CYP7B1: variants seen among roughly 807,000 people sequenced by gnomAD.
CYP7B1 encodes cytochrome P450 family 7 subfamily B member 1, also known as cytochrome P450 7B1.
Under a neutral mutation model 42.7 loss-of-function variants are expected in CYP7B1, and 29 were observed. The observed-to-expected ratio is 0.68, with a 90% CI of 0.51 to 0.93. The LOEUF (loss-of-function observed/expected upper bound fraction) is 0.93. Ranked by LOEUF, CYP7B1 falls within the 40% of genes least tolerant of loss-of-function variation. The pLI is 0.00. For synonymous variants in CYP7B1, 235 were observed against 218.2 expected, an observed-to-expected ratio of 1.08 and a Z score of -0.68; for missense variants, 655 against 600.5, an observed-to-expected ratio of 1.09 and a Z score of -0.95.
chr8:64,769,484 A>G (rs775727310), intron 1 of CYP7B1, among the ~76,000 whole-genome samples: 1 of 152,222 alleles, frequency 6.6e-6, no homozygotes, highest in Non-Finnish European at 1.5e-5. Flanking sequence ...TCCTCTGTGT[A>G]TCCTCCCAGG....
rs78801844 is a variant in CYP7B1 at position 64,640,188 on chromosome 8, A to T, written c.123-15649T>A. Among the ~76,000 whole-genome samples the T allele has an allele frequency of 1.6e-4, 25 of 152,230 alleles. No homozygotes were observed. In the East Asian group the frequency reaches 4.8e-3, roughly 29 times the overall value. ...AAGCTTAAGGAAATTTTGGGTGCTGATGGAAGTGTTCTAAACCGGATTGTG... is the reference window on the plus strand; with the variant it reads ...AAGCTTAAGGAAATTTTGGGTGCTGTTGGAAGTGTTCTAAACCGGATTGTG... On this transcript the variant is annotated intron_variant, in intron 1 of 5. Transcript: ENST00000310193.
At chr8:64,688,770 T>A (rs1273720268) in intron 1 of CYP7B1, among the ~76,000 whole-genome samples, 1 of 151,224 alleles carries the variant, frequency 6.6e-6, no homozygotes, top group African/African-American at 2.4e-5. Flanking sequence ...AAAAAAAAAA[T>A]ACAAAAATTG....
chr8:64,786,189 C>T (rs993976143), intron 1 of CYP7B1, among the ~76,000 whole-genome samples: 4 of 152,138 alleles, frequency 2.6e-5, no homozygotes, highest in Admixed American at 6.5e-5. Flanking sequence ...TCATCTTTCT[C>T]ACATTCCAAA....
At position 64,798,482 on chromosome 8, in the gene CYP7B1, G is replaced by A. The variant is rs1804745798; in HGVS notation, c.106C>T (p.Leu36Phe). Residue 36 changes from leucine (L) to phenylalanine (F), a missense_variant, in exon 1 of 6, where the codon CTT becomes TTT. Transcript: ENST00000310193. ...GGCGCTTACCTGGTGCGCCGGACAA[G>A]CAAGCAGAGGGCCAGGAGCAGCAGG... The part of the protein sequence containing the change: ...AALLLLALCL[L>F]VRRTRRPGEP... The A allele has an allele frequency of 4.6e-6, 7 of 1,513,386 alleles. No homozygotes were observed. The highest frequency in any genetic ancestry group is 5.3e-6 in the Non-Finnish European group (6 of 1,139,298). The allele number at this position is 1,513,386 out of a possible 1,614,324, so 93.7% of individuals were successfully genotyped here. A position where few individuals can be genotyped will look rare whatever the true frequency, so the allele number is the denominator to read the frequency against.
At chr8:64,782,365 G>T (rs1166347251) in intron 1 of CYP7B1, among the ~76,000 whole-genome samples, 1 of 152,110 alleles carries the variant, frequency 6.6e-6, no homozygotes, top group Admixed American at 6.5e-5. Context: ...CCTTATAAAA[G>T]AAGCCCAACA....
In CYP7B1 at chr8:64,592,311, G is replaced by A. The variant is rs1805049016; in HGVS notation, c.*4331C>T. Among the ~76,000 whole-genome samples the A allele has an allele frequency of 6.6e-6, 1 of 151,920 alleles. No individual in the cohort carries two copies. Among genetic ancestry groups the A allele is most frequent in the South Asian group, 2.1e-4 (1 of 4,824 alleles). On this transcript the variant is annotated 3_prime_UTR_variant, in exon 6 of 6. Coordinates refer to ENST00000310193, the MANE Select transcript of CYP7B1 (RefSeq NM_004820.5). ...TACCTGTTGTATATATTTTTATTGTGTATAATTATACATAGTGATTTCTCA... is the reference window on the plus strand; with the variant it reads ...TACCTGTTGTATATATTTTTATTGTATATAATTATACATAGTGATTTCTCA...
At chr8:64,677,268 C>T (rs1039387288) in intron 1 of CYP7B1, among the ~76,000 whole-genome samples, 1 of 151,594 alleles carries the variant, frequency 6.6e-6, no homozygotes, top group African/African-American at 2.4e-5. Flanking sequence ...ACCAGACAAT[C>T]AAAAATCCTA....
At chr8:64,731,221 G>A (rs767231959) in intron 1 of CYP7B1, among the ~76,000 whole-genome samples, 6 of 152,190 alleles carry the variant, frequency 3.9e-5, no homozygotes, top group Non-Finnish European at 8.8e-5. Flanking sequence ...AGCAACTTTG[G>A]AACTGGGTAA....
chr8:64,702,823 C>T (rs1404895400), intron 1 of CYP7B1, among the ~76,000 whole-genome samples: 1 of 152,108 alleles, frequency 6.6e-6, no homozygotes, highest in East Asian at 1.9e-4. Flanking sequence ...AATGTATTAT[C>T]ATCATTCTCA....
chr8:64,686,077 C>T (rs1806634133), intron 1 of CYP7B1, among the ~76,000 whole-genome samples: 2 of 127,066 alleles, frequency 1.6e-5, no homozygotes, highest in Admixed American at 7.5e-5. Flanking sequence ...CCCACCCGGC[C>T]AGCCGCCCCG....
At chr8:64,652,650 C>T (rs974256708) in intron 1 of CYP7B1, among the ~76,000 whole-genome samples, 1 of 152,140 alleles carries the variant, frequency 6.6e-6, no homozygotes, top group Non-Finnish European at 1.5e-5. Context: ...AGAGACCATC[C>T]TGGCTAACAT....
intron 1 of CYP7B1, among the ~76,000 whole-genome samples, chr8:64,730,569 T>C (rs1434260723): frequency 6.6e-6 from 1 of 152,170 alleles, no homozygotes; most frequent in East Asian, 1.9e-4. Flanking sequence ...GAGTACCTGT[T>C]ATCTACCTAA....
chr8:64,790,925 T>A (rs1804606439), intron 1 of CYP7B1, among the ~76,000 whole-genome samples: 1 of 152,140 alleles, frequency 6.6e-6, no homozygotes, highest in African/African-American at 2.4e-5. Flanking sequence ...ACAATATAAC[T>A]AGTATCCATA....
rs1049674816 is a variant in CYP7B1 at position 64,784,896 on chromosome 8, A to C, written c.122+13570T>G. Among the ~76,000 whole-genome samples the C allele has an allele frequency of 2.6e-5, 4 of 152,198 alleles. No individual in the cohort carries two copies. The East Asian group carries it at 7.7e-4, about 29-fold the overall frequency. ...AAAATAAGAAATTGGACTTGATTAA[A>C]ATTAAAAACTTCTCTTCTGCAAGGA... On this transcript the variant is annotated intron_variant, in intron 1 of 5. Transcript: ENST00000310193.
intron 1 of CYP7B1, among the ~76,000 whole-genome samples, chr8:64,753,572 C>A (rs968545739): frequency 5.3e-5 from 8 of 152,196 alleles, no homozygotes; most frequent in African/African-American, 1.9e-4. Context: ...GAATACGTGA[C>A]AGGACAACTC....
chr8:64,633,828 C>T (rs1805731939), intron 1 of CYP7B1, among the ~76,000 whole-genome samples: 1 of 152,106 alleles, frequency 6.6e-6, no homozygotes, highest in Non-Finnish European at 1.5e-5. Context: ...AGTGGAAAGA[C>T]TTATACTACC....
chr8:64,768,972 G>T (rs1469437634), intron 1 of CYP7B1, among the ~76,000 whole-genome samples: 1 of 151,992 alleles, frequency 6.6e-6, no homozygotes, highest in Non-Finnish European at 1.5e-5. Context: ...GTTTTTTTAT[G>T]GATCACCCAC....
At chr8:64,740,923 T>C (rs1468686337) in intron 1 of CYP7B1, among the ~76,000 whole-genome samples, 1 of 152,136 alleles carries the variant, frequency 6.6e-6, no homozygotes, top group Non-Finnish European at 1.5e-5. Flanking sequence ...TTTCAATCAT[T>C]TAAGGACAAA....
intron 1 of CYP7B1, among the ~76,000 whole-genome samples, chr8:64,779,724 T>C (rs573311881): frequency 2.2e-4 from 34 of 152,282 alleles, no homozygotes; most frequent in African/African-American, 8.2e-4. Flanking sequence ...AACAGAAAAC[T>C]AGTCTTTTAA....
Sources: allele counts gnomAD v4.1 joint callset (sites outside exome capture counted in the v4.1 genomes callset), GRCh38; gene constraint gnomAD v4.1.1; transcripts MANE v1.5; gene names NCBI Gene and HGNC (gene_info 2026-07-23, HGNC 2026-07-21).